Variants in DIAPH3 observed in about 807,000 individuals in gnomAD.
DIAPH3 encodes protein diaphanous homolog 3.
DIAPH3 carries 117 observed loss-of-function variants against 144.3 expected under a neutral mutation model. That is an observed-to-expected ratio of 0.81 (90% CI 0.70 to 0.95). The LOEUF (loss-of-function observed/expected upper bound fraction) is 0.95, where lower values mean the gene tolerates loss of function less well. Ranked by LOEUF, DIAPH3 falls within the 40% of genes least tolerant of loss-of-function variation. The pLI is 0.00. For missense variants in DIAPH3, 1,421 were observed against 1,412.7 expected, an observed-to-expected ratio of 1.01 and a Z score of -0.09; for synonymous variants, 519 against 488.9, an observed-to-expected ratio of 1.06 and a Z score of -0.81.
Position 59,724,621 on chromosome 13 carries a change from T to C in DIAPH3, c.3319+49568A>G, listed in dbSNP as rs565083960. On this transcript the variant is annotated intron_variant, in intron 27 of 27. Transcript: ENST00000400324. The stretch of plus-strand genomic sequence containing the variant: ...CAAAAATAAATCACAGTATTAACTT[T>C]TCACTTCTTCATCCTTAAAAAGATA... Among the ~76,000 whole-genome samples the C allele has an allele frequency of 1.5e-3, 222 of 152,352 alleles. 2 individuals are homozygous for C. The highest frequency in any genetic ancestry group is 1.7e-3 in the South Asian group (8 of 4,832).
At chr13:59,833,641 G>T (rs1246607146) in intron 23 of DIAPH3, among the ~76,000 whole-genome samples, 1 of 151,702 alleles carries the variant, frequency 6.6e-6, no homozygotes, top group Non-Finnish European at 1.5e-5. Flanking sequence ...GAAATCAACA[G>T]TACAAGCATT....
At chr13:60,068,105 T>A (rs199776082) in intron 4 of DIAPH3, among the ~76,000 whole-genome samples, 1 of 152,192 alleles carries the variant, frequency 6.6e-6, no homozygotes, top group East Asian at 1.9e-4. Context: ...TAGTCTTAAT[T>A]CACTTCACCA....
intron 27 of DIAPH3, among the ~76,000 whole-genome samples, chr13:59,720,584 C>G (rs2035292903): frequency 6.6e-6 from 1 of 152,064 alleles, no homozygotes; most frequent in Non-Finnish European, 1.5e-5. Context: ...AACATCCAGT[C>G]AGTATTCTGC....
chr13:60,004,418 C>G (rs1170318712), intron 9 of DIAPH3, among the ~76,000 whole-genome samples: 1 of 152,122 alleles, frequency 6.6e-6, no homozygotes. Context: ...AAAAGAGTAT[C>G]TATGTTACCT....
At position 59,935,045 on chromosome 13, in the gene DIAPH3, G is replaced by A. The variant is rs372780871; in HGVS notation, c.2075-10175C>T. On this transcript the variant is annotated intron_variant, in intron 17 of 27. Coordinates refer to ENST00000400324, the MANE Select transcript of DIAPH3 (RefSeq NM_001042517.2). ...CACAGTTGACTCTTGAACAACACGT[G>A]CTTGCACTGCACAGGTACACTTATA... Among the ~76,000 whole-genome samples, 8 of 152,196 alleles carry A rather than the reference G, an allele frequency of 5.3e-5. No individual in the cohort carries two copies. The East Asian group carries it at 1.2e-3, about 22-fold the overall frequency.
rs559284626 is a variant in DIAPH3 at position 59,812,975 on chromosome 13, C to T, written c.3028-2052G>A. On this transcript the variant is annotated intron_variant, in intron 24 of 27. Transcript: ENST00000400324. ...CCCTCCTAAGCTAAGGGGTTTGTTA[C>T]TGCCCAGAATGATAAACTGGAGCAA... Among the ~76,000 whole-genome samples, 49 of 152,190 alleles carry T rather than the reference C, an allele frequency of 3.2e-4. 1 individual carries two copies. Among genetic ancestry groups the T allele is most frequent in the Middle Eastern group, 6.8e-3 (2 of 294 alleles).
At chr13:59,970,682 TA>T (rs1208905314) in intron 16 of DIAPH3, among the ~76,000 whole-genome samples, 169 bp downstream of exon 16, 286 of 150,768 alleles carry the variant, frequency 1.9e-3, no homozygotes, top group African/African-American at 5.8e-3. Context: ...CCCAATACTT[TA>T]AAAAAAAAGC....
In DIAPH3 at chr13:60,008,639, C is replaced by T. The variant is rs773916503; in HGVS notation, c.919G>A (p.Val307Ile). ...CCAGCTGAAGTTAAAGCTTCTAAAACTTCTTCAAGGCTATTGGAAAATTTG... is the reference window on the plus strand; with the variant it reads ...CCAGCTGAAGTTAAAGCTTCTAAAATTTCTTCAAGGCTATTGGAAAATTTG... ...IVGEESILEE[V>I]LEALTSAGEE... The change falls in exon 9 of 28, where the codon GTT (valine) becomes ATT (isoleucine). Residue 307 changes from valine to isoleucine, a missense_variant. Val to Ile is a conservative substitution (Grantham distance 29, BLOSUM62 3). Coordinates refer to ENST00000400324, the MANE Select transcript of DIAPH3 (RefSeq NM_001042517.2). 8 of 1,611,912 alleles carry T rather than the reference C, an allele frequency of 5.0e-6. No individual in the cohort carries two copies. In the Admixed American group the frequency reaches 1.0e-4, roughly 20 times the overall value.
intron 27 of DIAPH3, among the ~76,000 whole-genome samples, chr13:59,674,395 T>C (rs758712317): frequency 2.0e-5 from 3 of 152,174 alleles, no homozygotes; most frequent in Admixed American, 6.5e-5. Flanking sequence ...GTCCTCAGAC[T>C]CCTGGTTAAC....
At chr13:59,858,763 G>A (rs1217839468) in intron 22 of DIAPH3, among the ~76,000 whole-genome samples, 1 of 152,060 alleles carries the variant, frequency 6.6e-6, no homozygotes, top group Non-Finnish European at 1.5e-5. Flanking sequence ...ATATTACAAT[G>A]GTATACAGAA....
At chr13:59,978,196 T>G (rs2050781944) in intron 14 of DIAPH3, among the ~76,000 whole-genome samples, 1 of 151,678 alleles carries the variant, frequency 6.6e-6, no homozygotes, top group Non-Finnish European at 1.5e-5. Context: ...GTCTTACATC[T>G]ATAATTAAAG....
chr13:59,992,150 G>A lies in DIAPH3; in HGVS notation c.1162C>T (p.Gln388Ter). Residue 388 changes from glutamine to a stop codon, truncating the protein, a stop_gained, in exon 11 of 28, where the codon CAA becomes TAA. Transcript: ENST00000400324. LOFTEE classifies it high-confidence loss of function. ...TTATGCTCATCAAAGACTTTAAGTT[G>A]GATATCCAGGCCATCATTCTTAATG... ...KCIKNDGLDI[Q>*]LKVFDEHKEE... 3.1e-6 allele frequency: 5 copies of A among 1,611,584 alleles called. No homozygotes were observed. The highest frequency in any genetic ancestry group is 4.2e-6 in the Non-Finnish European group (5 of 1,178,630).
At chr13:60,053,341 G>A (rs1248041697) in intron 4 of DIAPH3, among the ~76,000 whole-genome samples, 1 of 152,116 alleles carries the variant, frequency 6.6e-6, no homozygotes, top group Admixed American at 6.6e-5. Flanking sequence ...GTGAGATAAG[G>A]ATGTCTGCCT....
intron 27 of DIAPH3, among the ~76,000 whole-genome samples, chr13:59,700,406 A>C (rs547693062): frequency 6.6e-6 from 1 of 152,314 alleles, no homozygotes; most frequent in African/African-American, 2.4e-5. Flanking sequence ...ATTAGGCCAC[A>C]GTGATATTTT....
At position 59,879,350 on chromosome 13, in the gene DIAPH3, T is replaced by A. The variant is rs754957108; in HGVS notation, c.2486A>T (p.Glu829Val). The A allele has an allele frequency of 1.9e-6, 3 of 1,613,926 alleles. No homozygotes were observed. Among genetic ancestry groups the A allele is most frequent in the Non-Finnish European group, 2.5e-6 (3 of 1,179,860 alleles). ...GCTAAAGCTTTTGCTCTTCTTTATC[T>A]CTTCGCAGGCAGTACTGACAGCCAT... ...DIMAVSTACEEIKKSKSFSKL... is the reference protein window; with the variant it reads ...DIMAVSTACEVIKKSKSFSKL... The change falls in exon 21 of 28, where the codon GAG becomes GTG. Residue 829 changes from glutamate to valine, a missense_variant. Coordinates refer to ENST00000400324, the MANE Select transcript of DIAPH3 (RefSeq NM_001042517.2).
chr13:59,901,454 T>C (rs1566490054), intron 20 of DIAPH3, among the ~76,000 whole-genome samples: 1 of 152,184 alleles, frequency 6.6e-6, no homozygotes, highest in Non-Finnish European at 1.5e-5. Context: ...GCTCAACTCT[T>C]ACCTCTTCAG....
At chr13:59,838,408 G>T (rs1951341413) in intron 23 of DIAPH3, 1 of 152,032 alleles carries the variant, frequency 6.6e-6, no homozygotes, top group African/African-American at 2.4e-5. Context: ...GTGTGTGTGT[G>T]TGTGTGTGTA....
chr13:59,696,335 T>G (rs530424098), intron 27 of DIAPH3: 1 of 152,340 alleles, frequency 6.6e-6, no homozygotes, highest in African/African-American at 2.4e-5. Flanking sequence ...AATATAAAAT[T>G]TAGAGCAATC....
At position 59,749,820 on chromosome 13, in the gene DIAPH3, G is replaced by T. The variant is rs562688257; in HGVS notation, c.3319+24369C>A. ...TGGAATGGTATCTGTTTTAATGAAT[G>T]AAACTAATTTGTTTAGTGTTTGAGG... On this transcript the variant is annotated intron_variant, in intron 27 of 27. Coordinates refer to ENST00000400324, the MANE Select transcript of DIAPH3 (RefSeq NM_001042517.2). 2.6e-5 allele frequency among the ~76,000 whole-genome samples: 4 copies of T among 152,166 alleles called. No homozygotes were observed. The South Asian group carries it at 8.3e-4, about 32-fold the overall frequency.
Sources: gnomAD v4.1 joint callset for allele counts (sites outside exome capture counted in the v4.1 genomes callset) on GRCh38, gnomAD v4.1.1 for gene constraint, MANE v1.5 for transcripts, NCBI Gene and HGNC (gene_info 2026-07-23, HGNC 2026-07-21) for gene names.